Variants in ARL15 observed in about 807,000 individuals in gnomAD.
ARL15 encodes ADP-ribosylation factor-like protein 15.
ARL15 carries 19 observed loss-of-function variants against 25.2 expected under a neutral mutation model. That is an observed-to-expected ratio of 0.75 (90% CI 0.53 to 1.10). The LOEUF (loss-of-function observed/expected upper bound fraction) is 1.10, where lower values mean the gene tolerates loss of function less well. ARL15 is among the 50% of genes least tolerant of loss of function. ARL15 has a pLI of 0.00. For missense variants in ARL15, 220 were observed against 246.0 expected (o/e 0.89, Z 0.71); for synonymous variants, 94 against 86.8 (o/e 1.08, Z -0.46).
chr5:54,296,009 G>A (rs564709732), intron 1 of ARL15, among the ~76,000 whole-genome samples: 2 of 152,284 alleles, frequency 1.3e-5, no homozygotes, highest in African/African-American at 4.8e-5. Flanking sequence ...GAGTCGGCTC[G>A]TGTGGCCGAA....
chr5:54,035,397 A>C (rs1023549112), intron 4 of ARL15, among the ~76,000 whole-genome samples: 5 of 152,222 alleles, frequency 3.3e-5, no homozygotes, highest in Non-Finnish European at 5.9e-5. Context: ...TTTAAAAAAA[A>C]CTTTGATTAT....
intron 1 of ARL15, among the ~76,000 whole-genome samples, chr5:54,176,122 C>G (rs1754864331): frequency 6.6e-6 from 1 of 152,112 alleles, no homozygotes; most frequent in Admixed American, 6.5e-5. Context: ...GAACCCAAAC[C>G]AAAACTGAAT....
intron 4 of ARL15, among the ~76,000 whole-genome samples, chr5:54,103,820 G>A (rs922634050): frequency 2.6e-5 from 4 of 152,250 alleles, no homozygotes; most frequent in African/African-American, 4.8e-5. Flanking sequence ...ACATGTTTTT[G>A]TTCTCAGAGG....
chr5:54,098,009 G>A (rs1752336039), intron 4 of ARL15, among the ~76,000 whole-genome samples: 1 of 152,080 alleles, frequency 6.6e-6, no homozygotes, highest in Non-Finnish European at 1.5e-5. Flanking sequence ...AAAGTACAAC[G>A]ACCTTGCTGG....
At chr5:54,110,453 GC>G (rs1561227478) in intron 4 of ARL15, among the ~76,000 whole-genome samples, 1 of 151,982 alleles carries the variant, frequency 6.6e-6, no homozygotes, top group African/African-American at 2.4e-5. Flanking sequence ...AGAATCAATA[GC>G]CTTTATGACT....
At chr5:54,196,323 G>C (rs1346105265) in intron 1 of ARL15, among the ~76,000 whole-genome samples, 1 of 151,994 alleles carries the variant, frequency 6.6e-6, no homozygotes, top group East Asian at 1.9e-4. Flanking sequence ...CCACTATTTA[G>C]AAGTTGAACA....
intron 1 of ARL15, among the ~76,000 whole-genome samples, chr5:54,270,137 A>T (rs368353508): frequency 2.6e-5 from 4 of 152,248 alleles, no homozygotes; most frequent in African/African-American, 9.6e-5. Flanking sequence ...AAAATTGCAC[A>T]TGAATTATCA....
intron 4 of ARL15, among the ~76,000 whole-genome samples, chr5:54,069,708 C>T (rs553329785): frequency 3.3e-5 from 5 of 151,710 alleles, no homozygotes; most frequent in African/African-American, 9.7e-5. Flanking sequence ...AGTACAGTGG[C>T]GCAATCTCGG....
chr5:54,074,440 A>C lies in ARL15; in HGVS notation c.462+38762T>G, dbSNP rs1325701254. On this transcript the variant is annotated intron_variant, in intron 4 of 4. Coordinates refer to ENST00000504924, the MANE Select transcript of ARL15 (RefSeq NM_019087.3). ...TTGTCAATAAAATGTTGTAAATCCA[A>C]GAGTAAGCTAATAAACAACTGAGAA... is the stretch of plus-strand genomic sequence containing the variant. Among the ~76,000 whole-genome samples, 3 of 152,248 alleles carry C rather than the reference A, an allele frequency of 2.0e-5. 1 individual carries two copies. The East Asian group carries it at 5.8e-4, about 29-fold the overall frequency.
At position 54,225,111 on chromosome 5, in the gene ARL15, C is replaced by T. The variant is rs3776654; in HGVS notation, c.49-53183G>A. Reference sequence around the variant, plus strand: ...TTGCTGTAAAGATGAGACAAGTTAACGTAATTAAAGCCCCTAAAGGGTAGC... The same window carrying T: ...TTGCTGTAAAGATGAGACAAGTTAATGTAATTAAAGCCCCTAAAGGGTAGC... On this transcript the variant is annotated intron_variant, in intron 1 of 4. Coordinates refer to ENST00000504924, the MANE Select transcript of ARL15 (RefSeq NM_019087.3). Among the ~76,000 whole-genome samples the T allele has an allele frequency of 1.2e-4, 19 of 152,228 alleles. No individual in the cohort carries two copies. In the East Asian group the frequency reaches 1.7e-3, roughly 14 times the overall value.
chr5:54,010,766 CT>C (rs1749210904), intron 4 of ARL15, among the ~76,000 whole-genome samples: 1 of 152,076 alleles, frequency 6.6e-6, no homozygotes, highest in South Asian at 2.1e-4. Flanking sequence ...AATCCCAGCA[CT>C]TTGGGAGGCT....
intron 4 of ARL15, among the ~76,000 whole-genome samples, chr5:54,096,554 G>A (rs1367020252): frequency 6.6e-6 from 1 of 152,014 alleles, no homozygotes; most frequent in Non-Finnish European, 1.5e-5. Flanking sequence ...GGAATTACAG[G>A]CACCCGCCAC....
intron 4 of ARL15, among the ~76,000 whole-genome samples, chr5:54,013,096 G>A (rs1045781598): frequency 8.5e-5 from 13 of 152,126 alleles, no homozygotes; most frequent in African/African-American, 1.7e-4. Context: ...CACCACGCCC[G>A]GACTTCTTTC....
chr5:54,237,560 T>G (rs10940367), intron 1 of ARL15, among the ~76,000 whole-genome samples: 101,088 of 151,922 alleles, frequency 0.67, 34,688 homozygotes, highest in Non-Finnish European at 0.75. Context: ...CAAAAAGCAG[T>G]AGCATTTTAT....
chr5:54,192,264 T>TG (rs1554046535), intron 1 of ARL15, among the ~76,000 whole-genome samples: 3 of 141,984 alleles, frequency 2.1e-5, no homozygotes, highest in Non-Finnish European at 4.6e-5. Context: ...AAAGTATAAG[T>TG]AAAAAAAAAA....
chr5:54,271,016 G>A (rs1476061010), intron 1 of ARL15, among the ~76,000 whole-genome samples: 1 of 152,170 alleles, frequency 6.6e-6, no homozygotes, highest in Non-Finnish European at 1.5e-5. Context: ...CCCCTGCCTT[G>A]GACAACAGAA....
At chr5:54,172,897 G>A (rs1754762908) in intron 1 of ARL15, among the ~76,000 whole-genome samples, 2 of 152,120 alleles carry the variant, frequency 1.3e-5, no homozygotes, top group African/African-American at 4.8e-5. Flanking sequence ...ATGAACTGTA[G>A]TATAGTTTGC....
At chr5:54,218,724 G>A (rs1009177855) in intron 1 of ARL15, among the ~76,000 whole-genome samples, 2 of 152,236 alleles carry the variant, frequency 1.3e-5, no homozygotes, top group East Asian at 3.9e-4. Flanking sequence ...CCAGCAGGAA[G>A]AGCCATTGCA....
chr5:54,245,943 A>T (rs1297360761), intron 1 of ARL15, among the ~76,000 whole-genome samples: 1 of 152,142 alleles, frequency 6.6e-6, no homozygotes, highest in Non-Finnish European at 1.5e-5. Flanking sequence ...CTTTCTGATA[A>T]TATTGTATCC....
Sources: gnomAD v4.1 joint callset for allele counts (sites outside exome capture counted in the v4.1 genomes callset) on GRCh38, gnomAD v4.1.1 for gene constraint, MANE v1.5 for transcripts, NCBI Gene and HGNC (gene_info 2026-07-23, HGNC 2026-07-21) for gene names.